Variants in CPNE8 observed in about 807,000 individuals in gnomAD.
The protein encoded by CPNE8 is copine 8, also known as copine-8.
CPNE8 carries 45 observed loss-of-function variants against 81.5 expected under a neutral mutation model. That is an observed-to-expected ratio of 0.55 (90% CI 0.44 to 0.71). The LOEUF is 0.71. CPNE8 is among the 30% of genes least tolerant of loss of function. The pLI is 0.00. For missense variants in CPNE8, 594 were observed against 672.1 expected (o/e 0.88, Z 1.28); for synonymous variants, 252 against 226.3 (o/e 1.11, Z -1.02).
intron 11 of CPNE8, among the ~76,000 whole-genome samples, chr12:38,726,151 C>G (rs1940691457): frequency 6.6e-6 from 1 of 151,162 alleles, no homozygotes; most frequent in Non-Finnish European, 1.5e-5. Context: ...CCCTGGTCTA[C>G]AGGATAGAGT....
intron 13 of CPNE8, among the ~76,000 whole-genome samples, chr12:38,719,428 A>C (rs1940494146): frequency 6.6e-6 from 1 of 151,734 alleles, no homozygotes; most frequent in African/African-American, 2.4e-5. Flanking sequence ...ACATAACGAA[A>C]CCCCTCTCTA....
chr12:38,698,782 T>A (rs1263589100), intron 14 of CPNE8, among the ~76,000 whole-genome samples: 2 of 152,236 alleles, frequency 1.3e-5, no homozygotes, highest in South Asian at 4.1e-4. Flanking sequence ...GAAGACACTG[T>A]CTTAATTACT....
At chr12:38,738,814 T>C (rs1250705781) in intron 10 of CPNE8, among the ~76,000 whole-genome samples, 1 of 144,296 alleles carries the variant, frequency 6.9e-6, no homozygotes, top group Admixed American at 7.3e-5. Flanking sequence ...TTCTTTTTTT[T>C]TTTTCTTTTT....
In CPNE8 at chr12:38,897,760, C is replaced by T. The variant is rs114837234; in HGVS notation, c.98+7677G>A. 9.8e-3 allele frequency among the ~76,000 whole-genome samples: 1,491 copies of T among 151,982 alleles called. 29 individuals carry two copies. The highest frequency in any genetic ancestry group is 0.033 in the African/African-American group (1,367 of 41,488). ...ATGAACTCATTTGCTCATAGTTTGA[C>T]GCAACAGCGAAGGATTTTAATTTTT... On this transcript the variant is annotated intron_variant, in intron 1 of 19. Coordinates refer to ENST00000331366, the MANE Select transcript of CPNE8 (RefSeq NM_153634.3).
chr12:38,862,348 T>C (rs1943850131), intron 3 of CPNE8, among the ~76,000 whole-genome samples: 1 of 151,958 alleles, frequency 6.6e-6, no homozygotes, highest in South Asian at 2.1e-4. Context: ...CTGATTCTGG[T>C]TATTATGATT....
At chr12:38,720,182 C>T (rs1163690160) in intron 13 of CPNE8, among the ~76,000 whole-genome samples, 2 of 152,180 alleles carry the variant, frequency 1.3e-5, no homozygotes, top group Non-Finnish European at 2.9e-5. Context: ...TCTTCCTGCA[C>T]AGGCAGTGCT....
chr12:38,799,747 G>T (rs892382875), intron 6 of CPNE8, among the ~76,000 whole-genome samples: 1 of 146,742 alleles, frequency 6.8e-6, no homozygotes, highest in South Asian at 2.2e-4. Context: ...CTGAGGTACC[G>T]GGTTCATCTC....
intron 6 of CPNE8, among the ~76,000 whole-genome samples, chr12:38,812,321 C>A (rs1942951404): frequency 6.6e-6 from 1 of 152,140 alleles, no homozygotes; most frequent in Non-Finnish European, 1.5e-5. Flanking sequence ...TAAAGACATA[C>A]CTGAGACTGG....
chr12:38,657,950 G>T (rs1387302403), intron 19 of CPNE8, among the ~76,000 whole-genome samples: 1 of 152,114 alleles, frequency 6.6e-6, no homozygotes, highest in East Asian at 1.9e-4. Flanking sequence ...AGAAACCAAA[G>T]CAGAAAAGCT....
chr12:38,726,730 T>C (rs971044436), intron 11 of CPNE8: 3 of 152,210 alleles, frequency 2.0e-5, no homozygotes, highest in African/African-American at 7.2e-5. Context: ...TCTAGCATTA[T>C]GCCTTTGGTT....
intron 3 of CPNE8, among the ~76,000 whole-genome samples, chr12:38,856,236 C>G (rs1304826712): frequency 6.6e-6 from 1 of 151,966 alleles, no homozygotes; most frequent in Non-Finnish European, 1.5e-5. Flanking sequence ...AAAAGAAAAA[C>G]CTGGGACTTG....
intron 10 of CPNE8, among the ~76,000 whole-genome samples, chr12:38,743,703 A>C (rs969454508): frequency 6.6e-6 from 1 of 152,168 alleles, no homozygotes; most frequent in Non-Finnish European, 1.5e-5. Context: ...TAAATTTTAA[A>C]AGCAATGACA....
intron 3 of CPNE8, among the ~76,000 whole-genome samples, chr12:38,865,363 G>C (rs902976399): frequency 2.6e-5 from 4 of 152,166 alleles, no homozygotes; most frequent in African/African-American, 9.7e-5. Context: ...TTAATATTCA[G>C]TAACTGGGAA....
At chr12:38,656,715 C>A (rs950658232) in intron 19 of CPNE8, among the ~76,000 whole-genome samples, 1 of 152,094 alleles carries the variant, frequency 6.6e-6, no homozygotes, top group Non-Finnish European at 1.5e-5. Flanking sequence ...AAAGAACTAA[C>A]ACAAATTCTT....
chr12:38,871,961 C>A (rs1303147949), intron 3 of CPNE8, among the ~76,000 whole-genome samples: 1 of 152,076 alleles, frequency 6.6e-6, no homozygotes, highest in Admixed American at 6.6e-5. Context: ...CATGGAGAAA[C>A]CCCGTCTCTA....
intron 12 of CPNE8, among the ~76,000 whole-genome samples, chr12:38,724,452 TAC>T (rs1228216439): frequency 6.6e-6 from 1 of 152,164 alleles, no homozygotes; most frequent in Non-Finnish European, 1.5e-5. Context: ...ACTGAGCACA[TAC>T]ACATCCCACG....
chr12:38,904,298 A>C (rs1164139142), intron 1 of CPNE8, among the ~76,000 whole-genome samples: 1 of 152,100 alleles, frequency 6.6e-6, no homozygotes, highest in Non-Finnish European at 1.5e-5. Context: ...GTCAATATTA[A>C]TTCGCAAATT....
At chr12:38,865,922 G>T (rs1943906209) in intron 3 of CPNE8, among the ~76,000 whole-genome samples, 1 of 152,128 alleles carries the variant, frequency 6.6e-6, no homozygotes, top group Admixed American at 6.5e-5. Flanking sequence ...ATAAACTACA[G>T]GTAACTTATA....
chr12:38,693,550 G>A lies in CPNE8; in HGVS notation c.1143+107C>T, dbSNP rs574970931. ...AATTACTTACCAAAATTAAGCTACA[G>A]TCAGTAAAGCTTGCTACTTGACTGA... is the stretch of plus-strand genomic sequence containing the variant. On this transcript the variant is annotated intron_variant, in intron 15 of 19. Coordinates refer to ENST00000331366, the MANE Select transcript of CPNE8 (RefSeq NM_153634.3). 2.5e-5 allele frequency: 23 copies of A among 930,578 alleles called. No homozygotes were observed. The African/African-American group carries it at 3.2e-4, about 13-fold the overall frequency. 57.6% of individuals were successfully genotyped at this position (930,578 alleles called of 1,614,324 possible).
Sources: allele counts gnomAD v4.1 joint callset (sites outside exome capture counted in the v4.1 genomes callset), GRCh38; gene constraint gnomAD v4.1.1; transcripts MANE v1.5; gene names NCBI Gene and HGNC (gene_info 2026-07-23, HGNC 2026-07-21).